The following SLC9C2 variants were observed in gnomAD, a reference collection of about 807,000 sequenced individuals.
SLC9C2 encodes the protein sodium/hydrogen exchanger 11.
SLC9C2 carries 75 observed loss-of-function variants against 140.2 expected under a neutral mutation model. That is an observed-to-expected ratio of 0.53 (90% CI 0.44 to 0.65). The LOEUF is 0.65. Among genes scored for constraint, SLC9C2 ranks in the 30% least tolerant of loss-of-function variants. SLC9C2 has a pLI of 0.00. For missense variants in SLC9C2, 1,074 were observed against 1,331.8 expected, an observed-to-expected ratio of 0.81 and a Z score of 3.01; for synonymous variants, 375 against 420.9, an observed-to-expected ratio of 0.89 and a Z score of 1.34.
At chr1:173,536,348 C>T (rs1362014392) in intron 14 of SLC9C2, among the ~76,000 whole-genome samples, 1 of 152,176 alleles carries the variant, frequency 6.6e-6, no homozygotes, top group Admixed American at 6.5e-5. Flanking sequence ...TATCTATCAC[C>T]CAGCCAGGAT....
chr1:173,576,761 C>A lies in SLC9C2; in HGVS notation c.803-1G>T. Reference sequence around the variant, plus strand: ...GTGCCTGACATTCCTAAAAATTCCACTGGGGAGAAAAAAAAAACAAATGAA... The same window carrying A: ...GTGCCTGACATTCCTAAAAATTCCAATGGGGAGAAAAAAAAAACAAATGAA... On this transcript the variant is annotated splice_acceptor_variant, in intron 7 of 27. Coordinates refer to ENST00000367714, the MANE Select transcript of SLC9C2 (RefSeq NM_178527.4). LOFTEE classifies it high-confidence loss of function. The A allele has an allele frequency of 6.3e-7, 1 of 1,580,868 alleles. No homozygotes were observed. Among genetic ancestry groups the A allele is most frequent in the Non-Finnish European group, 8.6e-7 (1 of 1,160,060 alleles).
intron 7 of SLC9C2, among the ~76,000 whole-genome samples, chr1:173,580,164 A>G (rs2102210845): frequency 8.9e-5 from 1 of 11,178 alleles, no homozygotes; most frequent in East Asian, 2.5e-3. Flanking sequence ...TCCAATTTCT[A>G]TGGTGTAAAG....
intron 9 of SLC9C2, among the ~76,000 whole-genome samples, chr1:173,560,378 A>T (rs983712404): frequency 5.3e-5 from 8 of 152,156 alleles, no homozygotes; most frequent in African/African-American, 1.9e-4. Context: ...CTCACTGCAC[A>T]TTGCTCTGGG....
chr1:173,545,094 T>A (rs1662750029), intron 13 of SLC9C2, among the ~76,000 whole-genome samples: 1 of 152,210 alleles, frequency 6.6e-6, no homozygotes, highest in Non-Finnish European at 1.5e-5. Context: ...GAAGGCCCTT[T>A]GTTAAGACCA....
At chr1:173,602,239 G>C (rs1666830648) in intron 1 of SLC9C2, among the ~76,000 whole-genome samples, 1 of 152,106 alleles carries the variant, frequency 6.6e-6, no homozygotes, top group Non-Finnish European at 1.5e-5. Context: ...TTGATGGGCT[G>C]AACTATTTGA....
intron 20 of SLC9C2, 117 bp from the exon 21 acceptor site, chr1:173,524,211 G>T: frequency 1.1e-6 from 1 of 927,674 alleles, no homozygotes. Flanking sequence ...CTTGATTGTT[G>T]ACTCACAGCT....
intron 24 of SLC9C2, among the ~76,000 whole-genome samples, chr1:173,507,888 C>T (rs1659769840): frequency 6.6e-6 from 1 of 152,124 alleles, no homozygotes; most frequent in African/African-American, 2.4e-5. Context: ...TTACGCCACC[C>T]AGTTTGTGGT....
chr1:173,586,281 A>G (rs1057440188), intron 5 of SLC9C2, among the ~76,000 whole-genome samples: 2 of 152,230 alleles, frequency 1.3e-5, no homozygotes, highest in Admixed American at 1.3e-4. Context: ...CAGAACCTCC[A>G]AAAGTGCCTA....
intron 11 of SLC9C2, among the ~76,000 whole-genome samples, chr1:173,552,019 G>C (rs993116562): frequency 6.6e-6 from 1 of 152,160 alleles, no homozygotes; most frequent in Admixed American, 6.5e-5. Context: ...ACACACCAAT[G>C]GTAAGAAGGC....
intron 24 of SLC9C2, among the ~76,000 whole-genome samples, chr1:173,508,524 TGC>T (rs3052161): frequency 0.2 from 29,796 of 152,036 alleles, 4,178 homozygotes; most frequent in East Asian, 0.64. Context: ...CTCATGAAGA[TGC>T]AAGGTAAAAG....
chr1:173,533,836 A>G, intron 16 of SLC9C2, 39 bp from the exon 17 acceptor site: 1 of 1,520,050 alleles, frequency 6.6e-7, no homozygotes, highest in South Asian at 1.3e-5. Context: ...GCACCTATAC[A>G]GTAATGTTGG....
chr1:173,581,187 T>C (rs1245770748), intron 7 of SLC9C2, among the ~76,000 whole-genome samples: 1 of 152,188 alleles, frequency 6.6e-6, no homozygotes. Context: ...CTGTCTGAGA[T>C]GAGAGCAAAA....
rs149288802 is a variant in SLC9C2, at chr1:173,534,010, A to G, written c.1975-213T>C. ...ATATATACTCTATAATAAAGCTGGA[A>G]TGCCAAAAACAACTATTAAAAATAG... On this transcript the variant is annotated intron_variant, in intron 16 of 27. Coordinates refer to ENST00000367714, the MANE Select transcript of SLC9C2 (RefSeq NM_178527.4). 1.5e-3 allele frequency among the ~76,000 whole-genome samples: 222 copies of G among 152,278 alleles called. 2 individuals carry two copies. Among genetic ancestry groups the G allele is most frequent in the Non-Finnish European group, 2.6e-3 (174 of 67,982 alleles).
chr1:173,590,242 C>CAA (rs1276203820), intron 4 of SLC9C2, among the ~76,000 whole-genome samples: 1,991 of 95,414 alleles, frequency 0.021, 61 homozygotes, highest in African/African-American at 0.061. Context: ...GACTCCATCT[C>CAA]AAAAAAAAAA....
intron 5 of SLC9C2, 89 bp downstream of exon 5, chr1:173,587,576 T>G: frequency 8.1e-7 from 1 of 1,231,688 alleles, no homozygotes; most frequent in Non-Finnish European, 1.1e-6. Context: ...TTCTTCTGGG[T>G]GCACAATTCA....
chr1:173,502,145 T>C (rs1659321959), intron 27 of SLC9C2, among the ~76,000 whole-genome samples: 1 of 151,906 alleles, frequency 6.6e-6, no homozygotes, highest in African/African-American at 2.4e-5. Context: ...TGGTGGCATG[T>C]GCCTGTAGTC....
chr1:173,589,815 C>A (rs1009316662), intron 4 of SLC9C2, among the ~76,000 whole-genome samples: 3 of 152,038 alleles, frequency 2.0e-5, no homozygotes, highest in African/African-American at 7.3e-5. Flanking sequence ...CAGTAGGTTA[C>A]ATATTGTTAA....
intron 12 of SLC9C2, 72 bp downstream of exon 12, chr1:173,548,317 C>A: frequency 6.9e-7 from 1 of 1,439,992 alleles, no homozygotes; most frequent in South Asian, 1.3e-5. Context: ...AGGTCTTTAA[C>A]AATAGGCTAA....
intron 16 of SLC9C2, 40 bp downstream of exon 16, chr1:173,534,444 T>C (rs1661799547): frequency 2.7e-6 from 4 of 1,499,178 alleles, no homozygotes; most frequent in Non-Finnish European, 3.6e-6. Flanking sequence ...AATACCTGAA[T>C]TGCTCTTTTT....
Sources: gnomAD v4.1 joint callset for allele counts (sites outside exome capture counted in the v4.1 genomes callset) on GRCh38, gnomAD v4.1.1 for gene constraint, MANE v1.5 for transcripts, NCBI Gene and HGNC (gene_info 2026-07-23, HGNC 2026-07-21) for gene names.